THSD7B: variants seen among roughly 807,000 people sequenced by gnomAD.
THSD7B encodes thrombospondin type-1 domain-containing protein 7B.
In THSD7B, 138 loss-of-function variants were observed where a neutral mutation model predicts 213.6. The ratio of observed to expected loss-of-function variants is 0.65; its 90% CI spans 0.56 to 0.74. THSD7B has a LOEUF of 0.74. THSD7B is among the 30% of genes least tolerant of loss of function. The pLI, the probability that THSD7B is intolerant of heterozygous loss-of-function variation, is 0.00. For missense variants in THSD7B, 1,931 were observed against 1,991.5 expected, an observed-to-expected ratio of 0.97 and a Z score of 0.58; for synonymous variants, 742 against 687.0, an observed-to-expected ratio of 1.08 and a Z score of -1.25.
At chr2:137,347,542 T>C (rs1004898634) in intron 12 of THSD7B, among the ~76,000 whole-genome samples, 4 of 148,470 alleles carry the variant, frequency 2.7e-5, no homozygotes, top group Non-Finnish European at 6.0e-5. Context: ...ATGACTTACA[T>C]TCACTGATAT....
intron 15 of THSD7B, among the ~76,000 whole-genome samples, chr2:137,487,998 C>T (rs1573656035): frequency 7.7e-5 from 1 of 13,058 alleles, no homozygotes. Flanking sequence ...CTCCTGACCT[C>T]GTGATCCGCC....
intron 17 of THSD7B, among the ~76,000 whole-genome samples, chr2:137,574,392 C>T (rs1681417175): frequency 6.6e-6 from 1 of 152,060 alleles, no homozygotes. Context: ...CATAGTTACT[C>T]ACTTGTCAGC....
intron 11 of THSD7B, among the ~76,000 whole-genome samples, chr2:137,273,970 A>G (rs930036728): frequency 6.6e-5 from 10 of 152,080 alleles, no homozygotes; most frequent in African/African-American, 2.4e-4. Flanking sequence ...TCAAAAAACT[A>G]TTAGTGGGAT....
At position 137,160,349 on chromosome 2, in the gene THSD7B, T is replaced by C. The variant is rs1329598218; in HGVS notation, c.1506T>C (p.His502=). 6.2e-7 allele frequency: 1 copy of C among 1,613,302 alleles called. No individual in the cohort carries two copies. The highest frequency in any genetic ancestry group is 2.2e-5 in the East Asian group (1 of 44,818). ...AWGLCIHENC[H]DPQGKKGFRT... ...GCCTGTGCATCCATGAAAACTGTCA[T>C]GATCCTCAGGGGAAAAAAGGTGAGT... is the stretch of plus-strand genomic sequence containing the variant. The change falls in exon 6 of 28, where the codon CAT becomes CAC. Residue 502 remains histidine (H), a synonymous_variant. Transcript: ENST00000409968.
At chr2:137,554,407 A>C (rs1680909918) in intron 15 of THSD7B, among the ~76,000 whole-genome samples, 1 of 152,216 alleles carries the variant, frequency 6.6e-6, no homozygotes, top group African/African-American at 2.4e-5. Flanking sequence ...TTCAAGTGTA[A>C]CTTTGGTTAT....
chr2:137,320,279 T>C (rs527461151), intron 12 of THSD7B, among the ~76,000 whole-genome samples: 1 of 152,348 alleles, frequency 6.6e-6, no homozygotes, highest in East Asian at 1.9e-4. Flanking sequence ...AATATATGTA[T>C]ATTTACCATA....
intron 5 of THSD7B, among the ~76,000 whole-genome samples, chr2:137,123,326 A>G (rs1461091832): frequency 1.3e-5 from 2 of 152,110 alleles, no homozygotes; most frequent in Non-Finnish European, 2.9e-5. Flanking sequence ...CCAATGAGAA[A>G]CAAGATTCAG....
At chr2:137,106,331 C>G (rs1688250553) in intron 4 of THSD7B, among the ~76,000 whole-genome samples, 1 of 152,168 alleles carries the variant, frequency 6.6e-6, no homozygotes, top group South Asian at 2.1e-4. Flanking sequence ...GTTGGGAAAA[C>G]TGGCTAGCCA....
chr2:137,345,249 C>T (rs1290367081), intron 12 of THSD7B, among the ~76,000 whole-genome samples: 1 of 151,536 alleles, frequency 6.6e-6, no homozygotes, highest in Non-Finnish European at 1.5e-5. Context: ...AGAAACTATT[C>T]CCAAGAAGAG....
At chr2:137,228,096 T>G (rs558327798) in intron 7 of THSD7B, among the ~76,000 whole-genome samples, 1 of 152,076 alleles carries the variant, frequency 6.6e-6, no homozygotes, top group South Asian at 2.1e-4. Context: ...CTTAATACAC[T>G]TAATTGAGTC....
chr2:137,372,323 CTT>C (rs55635315), intron 12 of THSD7B, among the ~76,000 whole-genome samples: 798 of 57,454 alleles, frequency 0.014, 8 homozygotes, highest in Middle Eastern at 0.11. Context: ...TGATAATACT[CTT>C]TTTTTTTTTT....
At chr2:137,336,723 T>C (rs1323112440) in intron 12 of THSD7B, among the ~76,000 whole-genome samples, 1 of 152,160 alleles carries the variant, frequency 6.6e-6, no homozygotes, top group Non-Finnish European at 1.5e-5. Flanking sequence ...ACAGTGTTTG[T>C]CTAACTGGAG....
chr2:137,430,997 G>A (rs1030440316), intron 14 of THSD7B, among the ~76,000 whole-genome samples: 2 of 152,084 alleles, frequency 1.3e-5, no homozygotes, highest in South Asian at 2.1e-4. Flanking sequence ...TATTAGTGTC[G>A]ACAAAAAGAG....
At chr2:137,041,016 A>G (rs1686873244) in intron 2 of THSD7B, among the ~76,000 whole-genome samples, 1 of 152,182 alleles carries the variant, frequency 6.6e-6, no homozygotes, top group South Asian at 2.1e-4. Flanking sequence ...ATAGAATTTT[A>G]TGGTCAATAT....
chr2:137,330,849 C>T (rs1684485826), intron 12 of THSD7B, among the ~76,000 whole-genome samples: 1 of 152,162 alleles, frequency 6.6e-6, no homozygotes, highest in Admixed American at 6.5e-5. Flanking sequence ...TCTTATTTGG[C>T]CCCACCCACG....
intron 2 of THSD7B, among the ~76,000 whole-genome samples, chr2:137,012,501 C>T (rs185339194): frequency 1.8e-4 from 28 of 152,186 alleles, no homozygotes; most frequent in African/African-American, 6.0e-4. Flanking sequence ...TTTGGTTTAA[C>T]TCTCGAAGGG....
intron 3 of THSD7B, among the ~76,000 whole-genome samples, chr2:137,077,193 T>C (rs1245500508): frequency 6.6e-6 from 1 of 152,138 alleles, no homozygotes; most frequent in Non-Finnish European, 1.5e-5. Flanking sequence ...CCATGGAGTA[T>C]ATGTGCCATC....
intron 1 of THSD7B, among the ~76,000 whole-genome samples, chr2:136,881,388 G>C (rs974963415): frequency 6.6e-6 from 1 of 152,104 alleles, no homozygotes; most frequent in Non-Finnish European, 1.5e-5. Flanking sequence ...AAAATATACC[G>C]ACACAGAGAC....
At chr2:137,160,459 A>C (rs762794838) in intron 6 of THSD7B, 91 bp downstream of exon 6, 2 of 1,475,338 alleles carry the variant, frequency 1.4e-6, no homozygotes, top group Non-Finnish European at 1.8e-6. Context: ...TGCTTAAGAC[A>C]ATATTTGTTT....
Sources: gnomAD v4.1 joint callset for allele counts (sites outside exome capture counted in the v4.1 genomes callset) on GRCh38, gnomAD v4.1.1 for gene constraint, MANE v1.5 for transcripts, NCBI Gene and HGNC (gene_info 2026-07-23, HGNC 2026-07-21) for gene names.